The following GPR6 variants were observed in gnomAD, a reference collection of about 807,000 sequenced individuals.
The protein encoded by GPR6 is sphingosine 1-phosphate receptor GPR6.
A neutral mutation model predicts 18.5 loss-of-function variants in GPR6; 14 were observed. The observed-to-expected ratio is 0.76, with a 90% CI of 0.50 to 1.18. The LOEUF (loss-of-function observed/expected upper bound fraction) is 1.18, where lower values mean the gene tolerates loss of function less well. Among genes scored for constraint, GPR6 ranks in the 50% most tolerant of loss-of-function variants. The probability of loss-of-function intolerance (pLI) is 0.00; values close to 1 mark genes in which losing one functional copy is unlikely to be tolerated. For missense variants in GPR6, 477 were observed against 495.9 expected (o/e 0.96, Z 0.36); for synonymous variants, 299 against 240.9 (o/e 1.24, Z -2.23).
Position 109,979,887 on chromosome 6 carries a change from A to T in GPR6, c.775A>T (p.Ile259Phe). The T allele has an allele frequency of 6.2e-6, 10 of 1,611,282 alleles. No homozygotes were observed. Among genetic ancestry groups the T allele is most frequent in the Non-Finnish European group, 8.5e-6 (10 of 1,179,922 alleles). ...CQVVWRHAHQ[I>F]ALQQHCLAPP... ...GGTGGTCTGGCGCCACGCGCACCAG[A>T]TCGCGCTGCAGCAGCACTGCCTGGC... is the stretch of plus-strand genomic sequence containing the variant. Residue 259 changes from isoleucine (I) to phenylalanine (F), a missense_variant, in exon 2 of 2, where the codon ATC becomes TTC. Ile to Phe is a conservative substitution (Grantham distance 21). Coordinates refer to ENST00000275169, the MANE Select transcript of GPR6 (RefSeq NM_005284.5).
chr6:109,979,694 C>G lies in GPR6; in HGVS notation c.582C>G (p.Thr194=). 1 of 1,609,456 alleles carries G rather than the reference C, an allele frequency of 6.2e-7. No individual in the cohort carries two copies. Among genetic ancestry groups the G allele is most frequent in the South Asian group, 1.1e-5 (1 of 91,070 alleles). ...ACCTCCTGCTTGCCGCCACTTGGACCGTGTCCCTAGGCCTGGGGCTGCTGC... is the reference window on the plus strand; with the variant it reads ...ACCTCCTGCTTGCCGCCACTTGGACGGTGTCCCTAGGCCTGGGGCTGCTGC... The part of the protein sequence containing the change: ...GVHLLLAATW[T]VSLGLGLLPV... Residue 194 remains threonine, a synonymous_variant, in exon 2 of 2, where the codon ACC becomes ACG. Coordinates refer to ENST00000275169, the MANE Select transcript of GPR6 (RefSeq NM_005284.5).
At position 109,978,412 on chromosome 6, in the gene GPR6, C is replaced by G; in HGVS notation, c.-74C>G. On this transcript the variant is annotated 5_prime_UTR_variant, in exon 1 of 2. Coordinates refer to ENST00000275169, the MANE Select transcript of GPR6 (RefSeq NM_005284.5). Reference sequence around the variant, plus strand: ...CTCTGTTTGCGCGGGGAGCTCAGCCCGGCGCCCCGCCTCGGCGCCCATGAC... The same window carrying G: ...CTCTGTTTGCGCGGGGAGCTCAGCCGGGCGCCCCGCCTCGGCGCCCATGAC... The G allele has an allele frequency of 4.0e-6, 1 of 251,666 alleles. No individual in the cohort carries two copies. The highest frequency in any genetic ancestry group is 7.6e-6 in the Non-Finnish European group (1 of 131,962). The allele number at this position is 251,666 out of a possible 1,614,324, so 15.6% of individuals were successfully genotyped here.
At position 109,979,880 on chromosome 6, in the gene GPR6, G is replaced by A; in HGVS notation, c.768G>A (p.Ala256=). ...TCTGCCAGGTGGTCTGGCGCCACGC[G>A]CACCAGATCGCGCTGCAGCAGCACT... ...VRICQVVWRH[A]HQIALQQHCL... is the part of the protein sequence containing the mutation. The change falls in exon 2 of 2, where the codon GCG becomes GCA. Residue 256 remains alanine, a synonymous_variant. Coordinates refer to ENST00000275169, the MANE Select transcript of GPR6 (RefSeq NM_005284.5). The A allele has an allele frequency of 6.2e-7, 1 of 1,610,684 alleles. No homozygotes were observed. Among genetic ancestry groups the A allele is most frequent in the Non-Finnish European group, 8.5e-7 (1 of 1,179,872 alleles).
intron 1 of GPR6, chr6:109,978,675 C>A: frequency 6.1e-6 from 9 of 1,468,350 alleles, no homozygotes; most frequent in Non-Finnish European, 8.3e-6. Context: ...CTTCGCAATG[C>A]CAGAAACTTC....
rs1391124154 is a variant in GPR6 at position 109,979,757 on chromosome 6, C to G, written c.645C>G (p.Ala215=). Residue 215 remains alanine, a synonymous_variant, in exon 2 of 2, where the codon GCC becomes GCG. Coordinates refer to ENST00000275169, the MANE Select transcript of GPR6 (RefSeq NM_005284.5). ...LGWNCLAERA[A]CSVVRPLARS... Reference sequence around the variant, plus strand: ...GGAACTGCCTGGCAGAGCGCGCCGCCTGCAGCGTGGTGCGCCCGCTGGCGC... The same window carrying G: ...GGAACTGCCTGGCAGAGCGCGCCGCGTGCAGCGTGGTGCGCCCGCTGGCGC... 26 of 1,600,302 alleles carry G rather than the reference C, an allele frequency of 1.6e-5. No homozygotes were observed. Among genetic ancestry groups the G allele is most frequent in the Non-Finnish European group, 2.2e-5 (26 of 1,177,646 alleles).
intron 1 of GPR6, 115 bp downstream of exon 1, chr6:109,978,582 C>T (rs1770995977): frequency 1.6e-6 from 1 of 608,734 alleles, no homozygotes; most frequent in Non-Finnish European, 2.9e-6. Flanking sequence ...TGACTCCCAC[C>T]CTCTGCTGCC....
chr6:109,980,223 C>T lies in GPR6; in HGVS notation c.*22C>T. On this transcript the variant is annotated 3_prime_UTR_variant, in exon 2 of 2. Transcript: ENST00000275169. ...CTGAAGGGCTCGCCCCGTGTCCTCTCACCAACACCACACCCCAACAAGCCA... is the reference window on the plus strand; with the variant it reads ...CTGAAGGGCTCGCCCCGTGTCCTCTTACCAACACCACACCCCAACAAGCCA... 6.2e-7 allele frequency: 1 copy of T among 1,613,760 alleles called. No homozygotes were observed. The highest frequency in any genetic ancestry group is 8.5e-7 in the Non-Finnish European group (1 of 1,179,892).
At position 109,979,965 on chromosome 6, in the gene GPR6, C is replaced by T. The variant is rs1387035145; in HGVS notation, c.853C>T (p.Leu285=). ...RKGVGTLAVV[L]GTFGASWLPF... is the part of the protein sequence containing the mutation. ...GGGTGTGGGTACACTGGCTGTGGTG[C>T]TGGGCACTTTCGGCGCCAGCTGGCT... is the stretch of plus-strand genomic sequence containing the variant. The change falls in exon 2 of 2, where the codon CTG becomes TTG. Residue 285 remains leucine, a synonymous_variant. Transcript: ENST00000275169. 1 of 1,613,034 alleles carries T rather than the reference C, an allele frequency of 6.2e-7. No individual in the cohort carries two copies. Among genetic ancestry groups the T allele is most frequent in the Non-Finnish European group, 8.5e-7 (1 of 1,180,044 alleles).
Position 109,979,403 on chromosome 6 carries a change from C to A in GPR6, c.291C>A (p.Ile97=), listed in dbSNP as rs748014107. The change falls in exon 2 of 2, where the codon ATC becomes ATA. Residue 97 remains isoleucine (I), a synonymous_variant. Coordinates refer to ENST00000275169, the MANE Select transcript of GPR6 (RefSeq NM_005284.5). The part of the protein sequence containing the change: ...AGENALVVAL[I]ASTPALRTPM... ...AAAACGCGCTGGTGGTGGCGCTCAT[C>A]GCGTCCACTCCGGCGCTGCGCACGC... 6 of 1,613,470 alleles carry A rather than the reference C, an allele frequency of 3.7e-6. No individual in the cohort carries two copies. Among genetic ancestry groups the A allele is most frequent in the Admixed American group, 3.3e-5 (2 of 60,004 alleles).
intron 1 of GPR6, chr6:109,978,856 G>T: frequency 1.3e-6 from 2 of 1,535,522 alleles, no homozygotes; most frequent in Non-Finnish European, 8.7e-7. Context: ...GCATGTGAGT[G>T]CATGTTGTCC....
In GPR6 at chr6:109,979,647, C is replaced by A; in HGVS notation, c.535C>A (p.Arg179Ser). ...SLYNALTYYS[R>S]RTLLGVHLLL... is the part of the protein sequence containing the mutation. Reference sequence around the variant, plus strand: ...GTATAACGCGCTCACCTATTACTCGCGCCGGACCCTGTTGGGCGTGCACCT... The same window carrying A: ...GTATAACGCGCTCACCTATTACTCGAGCCGGACCCTGTTGGGCGTGCACCT... The change falls in exon 2 of 2, where the codon CGC becomes AGC. Residue 179 changes from arginine (R) to serine (S), a missense_variant. Arg to Ser is a moderately radical substitution (Grantham distance 110, BLOSUM62 -1). Transcript: ENST00000275169. 1 of 1,612,262 alleles carries A rather than the reference C, an allele frequency of 6.2e-7. No homozygotes were observed.
intron 1 of GPR6, 139 bp downstream of exon 1, chr6:109,978,606 C>T: frequency 1.4e-6 from 1 of 712,864 alleles, no homozygotes; most frequent in Non-Finnish European, 2.3e-6. Context: ...ATACACACAC[C>T]CTAGTCTCTC....
Position 109,979,081 on chromosome 6 carries a change from C to G in GPR6, c.-18-14C>G. On this transcript the variant is annotated splice_polypyrimidine_tract_variant and intron_variant, in intron 1 of 1. Coordinates refer to ENST00000275169, the MANE Select transcript of GPR6 (RefSeq NM_005284.5). ...GAAGTGTACACCTGACGCCTGCACTCCCTCCCTATGCAGGGTGCAAATCCG... is the reference window on the plus strand; with the variant it reads ...GAAGTGTACACCTGACGCCTGCACTGCCTCCCTATGCAGGGTGCAAATCCG... 1 of 1,551,142 alleles carries G rather than the reference C, an allele frequency of 6.4e-7. No individual in the cohort carries two copies. Among genetic ancestry groups the G allele is most frequent in the Non-Finnish European group, 8.6e-7 (1 of 1,160,020 alleles).
In GPR6 at chr6:109,980,183, G is replaced by A. The variant is rs1266956531; in HGVS notation, c.1071G>A (p.Arg357=). ...CFQSKVPFRS[R]SPSEV ...AGTCCAAAGTGCCCTTTCGTTCCAG[G>A]TCTCCCAGCGAGGTCTGAAGGGCTC... Residue 357 remains arginine (R), a synonymous_variant, in exon 2 of 2, where the codon AGG becomes AGA. Transcript: ENST00000275169. The A allele has an allele frequency of 6.8e-6, 11 of 1,614,158 alleles. No homozygotes were observed. Among genetic ancestry groups the A allele is most frequent in the Non-Finnish European group, 8.5e-6 (10 of 1,180,034 alleles).
At position 109,980,192 on chromosome 6, in the gene GPR6, C is replaced by T. The variant is rs745718579; in HGVS notation, c.1080C>T (p.Ser360=). ...SKVPFRSRSP[S]EV ...TGCCCTTTCGTTCCAGGTCTCCCAGCGAGGTCTGAAGGGCTCGCCCCGTGT... is the reference window on the plus strand; with the variant it reads ...TGCCCTTTCGTTCCAGGTCTCCCAGTGAGGTCTGAAGGGCTCGCCCCGTGT... The change falls in exon 2 of 2, where the codon AGC becomes AGT. Residue 360 remains serine, a synonymous_variant. Transcript: ENST00000275169. The T allele has an allele frequency of 8.7e-6, 14 of 1,614,202 alleles. No homozygotes were observed. The South Asian group carries it at 1.3e-4, about 15-fold the overall frequency.
chr6:109,979,461 G>T lies in GPR6; in HGVS notation c.349G>T (p.Ala117Ser), dbSNP rs1249229810. ...MFVLVGSLAT[A>S]DLLAGCGLIL... ...CGTGCTGGTAGGCAGCCTGGCCACC[G>T]CTGACCTGTTGGCGGGCTGTGGCCT... is the stretch of plus-strand genomic sequence containing the variant. The change falls in exon 2 of 2, where the codon GCT (alanine) becomes TCT (serine). Residue 117 changes from alanine (A) to serine (S), a missense_variant. By Grantham distance (99) the Ala-to-Ser change is moderately conservative. Coordinates refer to ENST00000275169, the MANE Select transcript of GPR6 (RefSeq NM_005284.5). The T allele has an allele frequency of 6.2e-7, 1 of 1,613,212 alleles. No homozygotes were observed. The highest frequency in any genetic ancestry group is 8.5e-7 in the Non-Finnish European group (1 of 1,179,986).
Position 109,979,557 on chromosome 6 carries a change from G to T in GPR6, c.445G>T (p.Val149Leu). ...TVSLLTVGFL[V>L]ASFAASVSSL... The stretch of plus-strand genomic sequence containing the variant: ...GAGTCTGCTCACGGTGGGCTTCCTC[G>T]TGGCCTCCTTCGCCGCCTCTGTCAG... The change falls in exon 2 of 2, where the codon GTG (valine) becomes TTG (leucine). Residue 149 changes from valine to leucine, a missense_variant. Transcript: ENST00000275169. 6.2e-7 allele frequency: 1 copy of T among 1,612,756 alleles called. No homozygotes were observed.
rs545377249 is a variant in GPR6 at position 109,979,311 on chromosome 6, C to A, written c.199C>A (p.Leu67Ile). 4 of 1,613,526 alleles carry A rather than the reference C, an allele frequency of 2.5e-6. No individual in the cohort carries two copies. The Admixed American group carries it at 6.7e-5, about 27-fold the overall frequency. Residue 67 changes from leucine (L) to isoleucine (I), a missense_variant, in exon 2 of 2, where the codon CTC (leucine) becomes ATC (isoleucine). Transcript: ENST00000275169. ...GCAGCTGTCGGCTGGGCCACCGGGA[C>A]TCCTGCTGCCAGCGGTGAATCCGTG... ...SSQLSAGPPG[L>I]LLPAVNPWDV...
At position 109,980,365 on chromosome 6, in the gene GPR6, C is replaced by T. The variant is rs909056836; in HGVS notation, c.*164C>T. On this transcript the variant is annotated 3_prime_UTR_variant, in exon 2 of 2. Coordinates refer to ENST00000275169, the MANE Select transcript of GPR6 (RefSeq NM_005284.5). ...TAACAAACTTACAAGGACAAAGAGGCTTGTTGGCACTTTACATATACAGTG... is the reference window on the plus strand; with the variant it reads ...TAACAAACTTACAAGGACAAAGAGGTTTGTTGGCACTTTACATATACAGTG... 13 of 885,772 alleles carry T rather than the reference C, an allele frequency of 1.5e-5. No homozygotes were observed. In the African/African-American group the frequency reaches 2.2e-4, roughly 15 times the overall value. 54.9% of individuals were successfully genotyped at this position (885,772 alleles called of 1,614,324 possible).
Sources: gnomAD v4.1 joint callset for allele counts on GRCh38, gnomAD v4.1.1 for gene constraint, MANE v1.5 for transcripts, NCBI Gene and HGNC (gene_info 2026-07-23, HGNC 2026-07-21) for gene names.